CDH12: variants seen among roughly 807,000 people sequenced by gnomAD.
CDH12 encodes cadherin 12, also known as cadherin-12.
CDH12 carries 41 observed loss-of-function variants against 74.1 expected under a neutral mutation model. The ratio of observed to expected loss-of-function variants is 0.55; its 90% confidence interval spans 0.43 to 0.72. The LOEUF (loss-of-function observed/expected upper bound fraction) is 0.72. Among genes scored for constraint, CDH12 ranks in the 30% least tolerant of loss-of-function variants. The pLI is 0.00. For missense variants in CDH12, 945 were observed against 977.2 expected (o/e 0.97, Z 0.44); for synonymous variants, 399 against 355.0 (o/e 1.12, Z -1.39).
chr5:22,750,692 C>T (rs1224838598), intron 1 of CDH12, among the ~76,000 whole-genome samples: 1 of 151,936 alleles, frequency 6.6e-6, no homozygotes, highest in Non-Finnish European at 1.5e-5. Context: ...ATACTGATGA[C>T]ACAGTTAAAT....
chr5:21,828,795 A>G (rs1031039045), intron 8 of CDH12, among the ~76,000 whole-genome samples: 6 of 150,678 alleles, frequency 4.0e-5, no homozygotes, highest in African/African-American at 1.5e-4. Flanking sequence ...TATAAAATCT[A>G]TTATTCTTTC....
At chr5:22,374,123 G>T (rs947805330) in intron 3 of CDH12, among the ~76,000 whole-genome samples, 56 of 151,976 alleles carry the variant, frequency 3.7e-4, no homozygotes, top group African/African-American at 1.3e-3. Flanking sequence ...TGACAAAGTA[G>T]GAATTATACT....
chr5:22,090,310 CA>C (rs1743333710), intron 4 of CDH12, among the ~76,000 whole-genome samples: 1 of 151,462 alleles, frequency 6.6e-6, no homozygotes, highest in African/African-American at 2.4e-5. Context: ...TTTAGAAAGA[CA>C]AAAATTAATA....
In CDH12 at chr5:22,408,478, C is replaced by T. The variant is rs199538478; in HGVS notation, c.-427-3127G>A. On this transcript the variant is annotated intron_variant, in intron 2 of 14. Transcript: ENST00000382254. ...TTCTTCAAAATATCTGGCAACCTTA[C>T]GACCAGGAGCAACAGAAGCAATCTG... 6.6e-5 allele frequency among the ~76,000 whole-genome samples: 10 copies of T among 151,684 alleles called. No homozygotes were observed. The East Asian group carries it at 9.7e-4, about 15-fold the overall frequency.
rs183418559 is a variant in CDH12 at position 21,909,966 on chromosome 5, G to A, written c.527-55176C>T. ...GCATGGAATTCCAAATGCTATGGAGGTCATATTGAAATTTCCTTTGGTCAC... is the reference window on the plus strand; with the variant it reads ...GCATGGAATTCCAAATGCTATGGAGATCATATTGAAATTTCCTTTGGTCAC... On this transcript the variant is annotated intron_variant, in intron 6 of 14. Coordinates refer to ENST00000382254, the MANE Select transcript of CDH12 (RefSeq NM_004061.5). Among the ~76,000 whole-genome samples, 8 of 152,226 alleles carry A rather than the reference G, an allele frequency of 5.3e-5. No individual in the cohort carries two copies. In the East Asian group the frequency reaches 1.5e-3, roughly 29 times the overall value.
intron 1 of CDH12, among the ~76,000 whole-genome samples, chr5:22,624,409 T>A (rs1353327974): frequency 6.6e-6 from 1 of 152,096 alleles, no homozygotes; most frequent in African/African-American, 2.4e-5. Context: ...AATCTACTCA[T>A]CTGACAAAGG....
chr5:22,290,702 T>C (rs1737348005), intron 3 of CDH12, among the ~76,000 whole-genome samples: 2 of 152,118 alleles, frequency 1.3e-5, no homozygotes, highest in East Asian at 1.9e-4. Context: ...TTAAAACTGA[T>C]ACTATAGAAA....
chr5:22,327,160 T>C (rs1034135981), intron 3 of CDH12, among the ~76,000 whole-genome samples: 5 of 152,054 alleles, frequency 3.3e-5, no homozygotes, highest in Non-Finnish European at 4.4e-5. Context: ...AAATGTCTAA[T>C]TGGTGTCACA....
intron 1 of CDH12, among the ~76,000 whole-genome samples, chr5:22,538,262 C>T (rs978175392): frequency 6.6e-6 from 1 of 152,182 alleles, no homozygotes; most frequent in African/African-American, 2.4e-5. Context: ...TTCAGCCAAT[C>T]TACTCCCTCT....
intron 1 of CDH12, among the ~76,000 whole-genome samples, chr5:22,804,142 T>A (rs1748667127): frequency 6.6e-6 from 1 of 152,166 alleles, no homozygotes; most frequent in Non-Finnish European, 1.5e-5. Flanking sequence ...TTTTTTTACA[T>A]AACAAAGGTA....
At chr5:22,122,089 A>T (rs1237851927) in intron 4 of CDH12, among the ~76,000 whole-genome samples, 1 of 152,024 alleles carries the variant, frequency 6.6e-6, no homozygotes, top group Non-Finnish European at 1.5e-5. Context: ...AATGCTTTTC[A>T]CCATTTTTAG....
intron 6 of CDH12, among the ~76,000 whole-genome samples, chr5:21,868,587 C>T (rs1045725424): frequency 9.2e-5 from 14 of 152,168 alleles, no homozygotes; most frequent in African/African-American, 3.1e-4. Context: ...GTTGTTTACC[C>T]TGTTGGGCTT....
At chr5:21,971,491 A>G (rs1238671563) in intron 6 of CDH12, among the ~76,000 whole-genome samples, 2 of 152,178 alleles carry the variant, frequency 1.3e-5, no homozygotes, top group Admixed American at 6.6e-5. Context: ...ATCATGAGTC[A>G]CTATTGACAT....
intron 3 of CDH12, among the ~76,000 whole-genome samples, chr5:22,331,220 G>T (rs1364334725): frequency 2.0e-5 from 3 of 152,150 alleles, no homozygotes; most frequent in Admixed American, 1.3e-4. Context: ...GATATCCCTG[G>T]GTCCTGGGGG....
chr5:22,582,343 T>C (rs773553478), intron 1 of CDH12, among the ~76,000 whole-genome samples: 4 of 152,246 alleles, frequency 2.6e-5, no homozygotes, highest in Non-Finnish European at 5.9e-5. Context: ...TATGCAGCAA[T>C]AATTCATTTA....
intron 3 of CDH12, among the ~76,000 whole-genome samples, chr5:22,324,650 A>G (rs1739011193): frequency 6.6e-6 from 1 of 151,810 alleles, no homozygotes; most frequent in African/African-American, 2.4e-5. Context: ...CTGACCACTT[A>G]ACTATAGGAA....
At chr5:22,208,490 G>A (rs915968545) in intron 4 of CDH12, among the ~76,000 whole-genome samples, 3 of 152,164 alleles carry the variant, frequency 2.0e-5, no homozygotes, top group African/African-American at 7.2e-5. Flanking sequence ...CCTCATTACT[G>A]CAGCTTATTC....
chr5:22,836,089 T>C (rs1252024648), intron 1 of CDH12, among the ~76,000 whole-genome samples: 3 of 151,976 alleles, frequency 2.0e-5, no homozygotes, highest in Admixed American at 6.6e-5. Context: ...TGAAGGGTGA[T>C]CTGTGGAATA....
At chr5:22,287,722 C>A (rs1170075126) in intron 3 of CDH12, among the ~76,000 whole-genome samples, 33 of 126,796 alleles carry the variant, frequency 2.6e-4, no homozygotes, top group East Asian at 7.1e-4. Flanking sequence ...GACTCCGTCT[C>A]AAAAAAAAAA....
Sources: gnomAD v4.1 joint callset for allele counts (sites outside exome capture counted in the v4.1 genomes callset) on GRCh38, gnomAD v4.1.1 for gene constraint, MANE v1.5 for transcripts, NCBI Gene and HGNC (gene_info 2026-07-23, HGNC 2026-07-21) for gene names.